NPHP1: variants seen among roughly 807,000 people sequenced by gnomAD.
The protein encoded by NPHP1 is nephrocystin 1, also known as nephrocystin-1.
A neutral mutation model predicts 90.4 loss-of-function variants in NPHP1; 70 were observed. The observed-to-expected ratio is 0.77, with a 90% CI of 0.64 to 0.95. The LOEUF (loss-of-function observed/expected upper bound fraction) is 0.95, where lower values mean the gene tolerates loss of function less well. Among genes scored for constraint, NPHP1 ranks in the 40% least tolerant of loss-of-function variants. The probability of loss-of-function intolerance (pLI) is 0.00; values close to 1 mark genes in which losing one functional copy is unlikely to be tolerated. For synonymous variants in NPHP1, 256 were observed against 271.7 expected (o/e 0.94, Z 0.57); for missense variants, 764 against 795.9 (o/e 0.96, Z 0.48).
intron 16 of NPHP1, among the ~76,000 whole-genome samples, chr2:110,133,111 A>C (rs1377492758): frequency 6.6e-6 from 1 of 152,094 alleles, no homozygotes; most frequent in African/African-American, 2.4e-5. Flanking sequence ...AAAGATACAG[A>C]TTGGCAGGAT....
At chr2:110,165,282 AC>A (rs1485591895) in intron 6 of NPHP1, 127 bp from the exon 7 acceptor site, 36 of 748,764 alleles carry the variant, frequency 4.8e-5, no homozygotes, top group South Asian at 4.5e-4. Flanking sequence ...AAACAAAAAA[AC>A]AAAAGCATCA....
chr2:110,163,753 C>A (rs907973908), intron 8 of NPHP1: 1 of 154,796 alleles, frequency 6.5e-6, no homozygotes, highest in Admixed American at 6.4e-5. Context: ...CTCCGCCTCC[C>A]AGGTTCAAGC....
At chr2:110,137,638 C>A (rs758836608) in intron 16 of NPHP1, among the ~76,000 whole-genome samples, 1 of 152,164 alleles carries the variant, frequency 6.6e-6, no homozygotes, top group Non-Finnish European at 1.5e-5. Context: ...CCATCTCACA[C>A]CAGGTAGAAC....
chr2:110,150,904 G>A (rs796214485), intron 11 of NPHP1, among the ~76,000 whole-genome samples: 44 of 150,558 alleles, frequency 2.9e-4, no homozygotes, highest in African/African-American at 1.0e-3. Context: ...AGTGGCTCAC[G>A]ACTGTAATCC....
At position 110,185,608 on chromosome 2, in the gene NPHP1, AG is replaced by A. The variant is rs575231712; in HGVS notation, c.144-5925del. Reference sequence around the variant, plus strand: ...ACCAGGGTGCCCTGAGGACCCAGGCAGCTGCTGCCTCCCCTTGCTGGTCACT... The same window carrying A: ...ACCAGGGTGCCCTGAGGACCCAGGCACTGCTGCCTCCCCTTGCTGGTCACT... On this transcript the variant is annotated intron_variant, in intron 2 of 19. Transcript: ENST00000445609. Among the ~76,000 whole-genome samples the A allele has an allele frequency of 1.2e-3, 178 of 152,206 alleles. 3 individuals are homozygous for A. Among genetic ancestry groups the A allele is most frequent in the African/African-American group, 4.1e-3 (172 of 41,558 alleles).
chr2:110,131,780 T>C lies in NPHP1; in HGVS notation c.1541A>G (p.Glu514Gly), dbSNP rs755592231. ...AGAACACATATTTCCAATTAATGTTTCTGGCAGTAGACTATTAAAGAAGAA... is the reference window on the plus strand; with the variant it reads ...AGAACACATATTTCCAATTAATGTTCCTGGCAGTAGACTATTAAAGAAGAA... ...RSRNVLSLLP[E>G]TLIGNMCSIH... is the part of the protein sequence containing the mutation. The change falls in exon 17 of 20, where the codon GAA (glutamate) becomes GGA (glycine). Residue 514 changes from glutamate to glycine, a missense_variant. Transcript: ENST00000445609. 6.1e-5 allele frequency: 98 copies of C among 1,598,294 alleles called. No homozygotes were observed. The highest frequency in any genetic ancestry group is 8.2e-5 in the Non-Finnish European group (96 of 1,165,782).
intron 2 of NPHP1, among the ~76,000 whole-genome samples, chr2:110,190,688 G>A (rs915156865): frequency 3.3e-5 from 5 of 152,200 alleles, no homozygotes; most frequent in African/African-American, 4.8e-5. Context: ...GCCAAAGTGG[G>A]AGCCCAGGCA....
intron 2 of NPHP1, among the ~76,000 whole-genome samples, chr2:110,196,840 T>A (rs1257277350): frequency 6.6e-6 from 1 of 152,164 alleles, no homozygotes; most frequent in Non-Finnish European, 1.5e-5. Context: ...AATGATGAGT[T>A]CATGTCCTTT....
intron 9 of NPHP1, among the ~76,000 whole-genome samples, chr2:110,162,138 T>C (rs1330319277): frequency 6.6e-6 from 1 of 152,176 alleles, no homozygotes; most frequent in East Asian, 1.9e-4. Context: ...CGAGAAATAA[T>C]TTTTGAGCTT....
intron 2 of NPHP1, among the ~76,000 whole-genome samples, chr2:110,188,269 T>C (rs1574182345): frequency 6.6e-6 from 1 of 152,114 alleles, no homozygotes; most frequent in African/African-American, 2.4e-5. Flanking sequence ...AGAAAACCCA[T>C]TGTCTTGGCC....
At chr2:110,184,019 A>G in intron 2 of NPHP1, 1 of 437,072 alleles carries the variant, frequency 2.3e-6, no homozygotes, top group Non-Finnish European at 4.6e-6. Flanking sequence ...CGGCAGACCC[A>G]ACTGGTAGTT....
rs1290970555 is a variant in NPHP1, at chr2:110,170,006, A to T, written c.330-8T>A. The stretch of plus-strand genomic sequence containing the variant: ...TCAGTAGGTGCCCCAACTCTACAAA[A>T]AGTGTTTCTGAGTAGGACTACTTGA... On this transcript the variant is annotated splice_region_variant and splice_polypyrimidine_tract_variant and intron_variant, in intron 4 of 19. Transcript: ENST00000445609. The T allele has an allele frequency of 6.2e-7, 1 of 1,613,208 alleles. No homozygotes were observed. The highest frequency in any genetic ancestry group is 8.5e-7 in the Non-Finnish European group (1 of 1,179,434).
chr2:110,182,829 A>G (rs1683999461), intron 2 of NPHP1, among the ~76,000 whole-genome samples: 1 of 152,150 alleles, frequency 6.6e-6, no homozygotes, highest in Admixed American at 6.5e-5. Context: ...AAATGCCCCA[A>G]TTAAAAAGAC....
At chr2:110,126,667 A>T (rs1679393251) in intron 18 of NPHP1, 1 of 152,636 alleles carries the variant, frequency 6.6e-6, no homozygotes, top group Admixed American at 6.5e-5. Flanking sequence ...TTAAAATGTC[A>T]TCCACAAACT....
In NPHP1 at chr2:110,184,307, C is replaced by T. The variant is rs183017302; in HGVS notation, c.144-4623G>A. 5.3e-4 allele frequency: 321 copies of T among 600,684 alleles called. 3 individuals are homozygous for T. Among genetic ancestry groups the T allele is most frequent in the South Asian group, 4.6e-3 (293 of 63,996 alleles). 37.2% of individuals were successfully genotyped at this position (600,684 alleles called of 1,614,324 possible). On this transcript the variant is annotated intron_variant, in intron 2 of 19. Transcript: ENST00000445609. ...AGCATGGCATTGTCAAGGACTGGAA[C>T]GACATGGAACACATCTGGCAATATG...
At position 110,157,137 on chromosome 2, in the gene NPHP1, C is replaced by T. The variant is rs752066638; in HGVS notation, c.1083+2990G>A. ...AAGAAGCACTCTTACATAAACAGCACGAGTATCTGTGCAGCTATTAAATAT... is the reference window on the plus strand; with the variant it reads ...AAGAAGCACTCTTACATAAACAGCATGAGTATCTGTGCAGCTATTAAATAT... On this transcript the variant is annotated intron_variant, in intron 11 of 19. Coordinates refer to ENST00000445609, the MANE Select transcript of NPHP1 (RefSeq NM_001128178.3). 7.6e-4 allele frequency among the ~76,000 whole-genome samples: 115 copies of T among 152,044 alleles called. 7 individuals are homozygous for T. The highest frequency in any genetic ancestry group is 2.6e-4 in the Non-Finnish European group (18 of 68,012).
rs1681355377 is a variant in NPHP1, at chr2:110,150,164, A to G, written c.1158+18T>C. 1 of 1,591,746 alleles carries G rather than the reference A, an allele frequency of 6.3e-7. No individual in the cohort carries two copies. On this transcript the variant is annotated intron_variant, in intron 12 of 19. Transcript: ENST00000445609. ...ACTTTGAAATTCACTCACTCCACTC[A>G]TTCAGCAGATTACTTACCTGGGGAG...
chr2:110,191,966 C>T (rs2104672447), intron 2 of NPHP1, among the ~76,000 whole-genome samples: 1 of 152,260 alleles, frequency 6.6e-6, no homozygotes, highest in East Asian at 1.9e-4. Flanking sequence ...AGAAGGAAAA[C>T]TAACAAACAG....
intron 18 of NPHP1, 91 bp from the exon 19 acceptor site, chr2:110,125,772 A>G: frequency 6.6e-6 from 7 of 1,063,882 alleles, no homozygotes; most frequent in Non-Finnish European, 4.4e-6. Flanking sequence ...AAACTTATGG[A>G]CAGGGTTAAA....
Sources: gnomAD v4.1 joint callset for allele counts (sites outside exome capture counted in the v4.1 genomes callset) on GRCh38, gnomAD v4.1.1 for gene constraint, MANE v1.5 for transcripts, NCBI Gene and HGNC (gene_info 2026-07-23, HGNC 2026-07-21) for gene names.